Variants in NEBL observed in about 807,000 individuals in gnomAD.
NEBL encodes the protein nebulette, also known as LIM and SH3 protein 2.
NEBL carries 122 observed loss-of-function variants against 140.2 expected under a neutral mutation model. The ratio of observed to expected loss-of-function variants is 0.87; its 90% CI spans 0.75 to 1.01. The LOEUF is 1.01. Among genes scored for constraint, NEBL ranks in the 50% least tolerant of loss-of-function variants. NEBL has a pLI of 0.00. For synonymous variants in NEBL, 436 were observed against 398.9 expected, an observed-to-expected ratio of 1.09 and a Z score of -1.11; for missense variants, 1,365 against 1,231.3, an observed-to-expected ratio of 1.11 and a Z score of -1.62.
intron 3 of NEBL, among the ~76,000 whole-genome samples, chr10:21,194,801 G>A (rs1376658080): frequency 2.0e-5 from 3 of 151,044 alleles, no homozygotes; most frequent in East Asian, 1.9e-4. Context: ...GCTACCCCTC[G>A]CCCCGCCGCC....
chr10:21,080,218 C>T (rs1193711457), intron 2 of NEBL, among the ~76,000 whole-genome samples: 1 of 152,212 alleles, frequency 6.6e-6, no homozygotes, highest in East Asian at 1.9e-4. Flanking sequence ...ATAGATACAA[C>T]AAAAGCATGT....
At chr10:20,924,981 T>C (rs1290443315) in intron 4 of NEBL, among the ~76,000 whole-genome samples, 1 of 151,108 alleles carries the variant, frequency 6.6e-6, no homozygotes, top group African/African-American at 2.4e-5. Flanking sequence ...CCCTGCTCTA[T>C]ACCACCTCTC....
At chr10:20,906,361 G>A (rs1324662253) in intron 4 of NEBL, among the ~76,000 whole-genome samples, 1 of 151,974 alleles carries the variant, frequency 6.6e-6, no homozygotes, top group East Asian at 1.9e-4. Context: ...CTTTAAGCCA[G>A]GGAAAACAAT....
intron 4 of NEBL, among the ~76,000 whole-genome samples, chr10:20,957,447 G>A (rs1307411134): frequency 2.0e-5 from 3 of 152,062 alleles, no homozygotes; most frequent in South Asian, 2.1e-4. Flanking sequence ...ATGGGTATGC[G>A]AAATTGAAAG....
intron 4 of NEBL, among the ~76,000 whole-genome samples, chr10:20,886,402 G>A (rs563722551): frequency 3.8e-4 from 58 of 151,902 alleles, no homozygotes; most frequent in East Asian, 2.1e-3. Context: ...GGTGGTGTGC[G>A]CCTGTAATGC....
chr10:21,275,352 A>G (rs1455230943), intron 1 of NEBL, among the ~76,000 whole-genome samples: 2 of 152,196 alleles, frequency 1.3e-5, no homozygotes, highest in Non-Finnish European at 1.5e-5. Flanking sequence ...AGAAAACATT[A>G]CCAGAGCAAC....
intron 2 of NEBL, among the ~76,000 whole-genome samples, chr10:21,250,424 G>C (rs1012430509): frequency 6.6e-6 from 1 of 152,148 alleles, no homozygotes. Flanking sequence ...TTTCTCCTCA[G>C]CTTGGCTTGC....
intron 3 of NEBL, among the ~76,000 whole-genome samples, chr10:21,214,526 TAC>T (rs759282051): frequency 2.3e-3 from 339 of 150,550 alleles, no homozygotes; most frequent in Non-Finnish European, 3.8e-3. Context: ...ACATGCACAT[TAC>T]ACACACATAC....
chr10:20,876,748 T>A (rs935115403), intron 5 of NEBL, among the ~76,000 whole-genome samples: 1 of 152,208 alleles, frequency 6.6e-6, no homozygotes, highest in Non-Finnish European at 1.5e-5. Flanking sequence ...AAAATTTGTT[T>A]GACTTATTTC....
In NEBL at chr10:21,054,181, A is replaced by C. The variant is rs151168793; in HGVS notation, c.165-33980T>G. Reference sequence around the variant, plus strand: ...TGACTCATCAAATAGTGCTGTGAGAAATGAACTAGAAACAGTAGAAAGGTG... The same window carrying C: ...TGACTCATCAAATAGTGCTGTGAGACATGAACTAGAAACAGTAGAAAGGTG... On this transcript the variant is annotated intron_variant, in intron 2 of 6. Transcript: ENST00000417816. Among the ~76,000 whole-genome samples, 1,013 of 152,364 alleles carry C rather than the reference A, an allele frequency of 6.6e-3. 14 individuals are homozygous for C. The highest frequency in any genetic ancestry group is 0.023 in the African/African-American group (947 of 41,578).
intron 1 of NEBL, among the ~76,000 whole-genome samples, chr10:21,285,796 G>A (rs572833773): frequency 2.2e-4 from 34 of 152,280 alleles, no homozygotes; most frequent in African/African-American, 8.2e-4. Flanking sequence ...AATCACTAAA[G>A]CAAAGGAGTC....
chr10:21,113,110 C>T (rs545176299), intron 2 of NEBL: 30 of 228,120 alleles, frequency 1.3e-4, no homozygotes, highest in East Asian at 3.0e-4. Context: ...AAGGAGGAGG[C>T]GGAGGAAGTG....
chr10:21,134,767 C>T (rs1221838274), intron 2 of NEBL, among the ~76,000 whole-genome samples: 3 of 152,194 alleles, frequency 2.0e-5, no homozygotes, highest in East Asian at 1.9e-4. Flanking sequence ...GATCAAATCA[C>T]GTCTTGGGTG....
At chr10:20,937,525 C>T (rs150507525) in intron 4 of NEBL, among the ~76,000 whole-genome samples, 107 of 152,244 alleles carry the variant, frequency 7.0e-4, no homozygotes, top group Non-Finnish European at 1.4e-3. Flanking sequence ...ACGCAGAAAA[C>T]AGATGATTTC....
chr10:20,998,933 C>T (rs936655275), intron 3 of NEBL, among the ~76,000 whole-genome samples: 2 of 151,998 alleles, frequency 1.3e-5, no homozygotes, highest in East Asian at 1.9e-4. Flanking sequence ...TTCTGGGGGC[C>T]GCCAACAAAA....
At position 20,880,822 on chromosome 10, in the gene NEBL, G is replaced by A; in HGVS notation, c.452C>T (p.Ala151Val). ...HMKEPPEVKH[A>V]MEVNKHQSNI... ...ACTCTGGTGTTTATTGACCTCCATG[G>A]CATGTTTAACCTCAGGGGGCTCCTT... The change falls in exon 5 of 28, where the codon GCC (alanine) becomes GTC (valine). Residue 151 changes from alanine to valine, a missense_variant. Ala to Val is a moderately conservative substitution (Grantham distance 64, BLOSUM62 0). Transcript: ENST00000377122. 1 of 1,613,584 alleles carries A rather than the reference G, an allele frequency of 6.2e-7. No homozygotes were observed. The highest frequency in any genetic ancestry group is 8.5e-7 in the Non-Finnish European group (1 of 1,179,564).
chr10:21,193,861 C>A (rs1368073972), intron 3 of NEBL, among the ~76,000 whole-genome samples: 1 of 152,184 alleles, frequency 6.6e-6, no homozygotes, highest in Non-Finnish European at 1.5e-5. Context: ...TGAAATCCAG[C>A]ATCTTTTCAC....
intron 2 of NEBL, among the ~76,000 whole-genome samples, chr10:21,096,111 T>C (rs1008480909): frequency 7.2e-5 from 11 of 152,142 alleles, no homozygotes; most frequent in African/African-American, 2.4e-4. Context: ...TAAAGAGAAA[T>C]GTAATATGTC....
At chr10:21,146,040 A>G (rs1433861080) in intron 2 of NEBL, among the ~76,000 whole-genome samples, 1 of 152,128 alleles carries the variant, frequency 6.6e-6, no homozygotes, top group Non-Finnish European at 1.5e-5. Flanking sequence ...GGCAAAGAGG[A>G]GCATTTGTTA....
Sources: gnomAD v4.1 joint callset for allele counts (sites outside exome capture counted in the v4.1 genomes callset) on GRCh38, gnomAD v4.1.1 for gene constraint, MANE v1.5 for transcripts, NCBI Gene and HGNC (gene_info 2026-07-23, HGNC 2026-07-21) for gene names.